TTC29: variants seen among roughly 807,000 people sequenced by gnomAD.
TTC29 encodes the protein tetratricopeptide repeat domain 29.
TTC29 carries 49 observed loss-of-function variants against 58.1 expected under a neutral mutation model. The ratio of observed to expected loss-of-function variants is 0.84; its 90% CI spans 0.67 to 1.07. The LOEUF (loss-of-function observed/expected upper bound fraction) is 1.07. Ranked by LOEUF, TTC29 falls within the 50% of genes least tolerant of loss-of-function variation. The pLI is 0.00. For missense variants in TTC29, 582 were observed against 555.6 expected (o/e 1.05, Z -0.48); for synonymous variants, 209 against 196.8 (o/e 1.06, Z -0.52).
chr4:146,926,443 A>T (rs907309349), intron 4 of TTC29, among the ~76,000 whole-genome samples: 1 of 151,990 alleles, frequency 6.6e-6, no homozygotes, highest in African/African-American at 2.4e-5. Context: ...TTATAATCTG[A>T]CAGCTGTGTA....
At chr4:146,899,419 C>A (rs1332641710) in intron 6 of TTC29, among the ~76,000 whole-genome samples, 3 of 152,186 alleles carry the variant, frequency 2.0e-5, no homozygotes, top group Non-Finnish European at 4.4e-5. Context: ...ATAATAAAAA[C>A]CTTACAAATA....
chr4:146,781,339 C>A (rs1430300631), intron 11 of TTC29, among the ~76,000 whole-genome samples: 1 of 151,778 alleles, frequency 6.6e-6, no homozygotes, highest in Admixed American at 6.6e-5. Flanking sequence ...AGTTAACTGT[C>A]ATATTAACCT....
chr4:146,851,315 G>C (rs1297114886), intron 8 of TTC29, among the ~76,000 whole-genome samples: 1 of 152,174 alleles, frequency 6.6e-6, no homozygotes, highest in African/African-American at 2.4e-5. Flanking sequence ...CTCACTCAAG[G>C]CTTCAGGATT....
chr4:146,721,534 C>T (rs1374521205), intron 11 of TTC29, among the ~76,000 whole-genome samples: 2 of 152,056 alleles, frequency 1.3e-5, no homozygotes, highest in African/African-American at 4.8e-5. Context: ...ATAGTGTTTT[C>T]TGAGTGAACA....
At chr4:146,872,649 G>T (rs60635357) in intron 7 of TTC29, among the ~76,000 whole-genome samples, 18,880 of 151,772 alleles carry the variant, frequency 0.12, 1,458 homozygotes, top group East Asian at 0.2. Context: ...TCAATGTTAC[G>T]GGCCAACAGG....
chr4:146,814,090 T>C (rs900895192), intron 10 of TTC29, among the ~76,000 whole-genome samples: 9 of 152,188 alleles, frequency 5.9e-5, no homozygotes, highest in Non-Finnish European at 1.2e-4. Flanking sequence ...TATTTATTGG[T>C]CCAAGGAACT....
At chr4:146,707,959 C>T (rs1742102898) in intron 11 of TTC29, among the ~76,000 whole-genome samples, 1 of 151,810 alleles carries the variant, frequency 6.6e-6, no homozygotes, top group South Asian at 2.1e-4. Flanking sequence ...GTCCTCATAC[C>T]CTGAGACTGC....
intron 11 of TTC29, among the ~76,000 whole-genome samples, chr4:146,785,329 A>T (rs935720999): frequency 6.6e-6 from 1 of 151,682 alleles, no homozygotes; most frequent in Non-Finnish European, 1.5e-5. Context: ...TTTTTAATAC[A>T]CTTATTGAGG....
chr4:146,937,564 T>C, intron 4 of TTC29, 30 bp downstream of exon 4: 3 of 1,331,802 alleles, frequency 2.3e-6, no homozygotes, highest in Non-Finnish European at 3.1e-6. Context: ...ACAAACTTTA[T>C]ATTAAAGTAC....
chr4:146,800,965 T>C (rs1330110697), intron 11 of TTC29, among the ~76,000 whole-genome samples: 1 of 152,132 alleles, frequency 6.6e-6, no homozygotes, highest in Non-Finnish European at 1.5e-5. Context: ...CACATTTAAA[T>C]AAGAGGGCAT....
chr4:146,808,997 C>A (rs2150125926), intron 10 of TTC29, among the ~76,000 whole-genome samples: 1 of 151,764 alleles, frequency 6.6e-6, no homozygotes, highest in East Asian at 1.9e-4. Context: ...TACTACAAGG[C>A]TACAGTAACC....
At chr4:146,738,714 C>T (rs571029981) in intron 11 of TTC29, among the ~76,000 whole-genome samples, 8 of 152,138 alleles carry the variant, frequency 5.3e-5, no homozygotes, top group Non-Finnish European at 1.0e-4. Context: ...TGCCCCGCAG[C>T]GAGACTCTAA....
intron 11 of TTC29, among the ~76,000 whole-genome samples, chr4:146,777,294 C>A (rs1748177800): frequency 6.6e-6 from 1 of 152,146 alleles, no homozygotes; most frequent in Non-Finnish European, 1.5e-5. Flanking sequence ...AAGAGAAAAT[C>A]AAAGCACAAA....
Position 146,867,576 on chromosome 4 carries a change from G to A in TTC29, c.807C>T (p.Asp269=), listed in dbSNP as rs35231662. ...KASEIAKEGS[D]KKMEAEASYY... is the part of the protein sequence containing the mutation. Reference sequence around the variant, plus strand: ...AAGAGGCTTCCGCTTCCATCTTTTTGTCACTTCCTGAAGTGAAGATGTAAA... The same window carrying A: ...AAGAGGCTTCCGCTTCCATCTTTTTATCACTTCCTGAAGTGAAGATGTAAA... The change falls in exon 8 of 13, where the codon GAC becomes GAT. Residue 269 remains aspartate (D), a synonymous_variant. Transcript: ENST00000325106. 76,314 of 1,509,792 alleles carry A rather than the reference G, an allele frequency of 0.051. 2,590 individuals are homozygous for A. Among genetic ancestry groups the A allele is most frequent in the Admixed American group, 0.16 (7,606 of 47,782 alleles). 93.5% of individuals were successfully genotyped at this position (1,509,792 alleles called of 1,614,324 possible).
At chr4:146,894,778 G>A (rs185128305) in intron 6 of TTC29, among the ~76,000 whole-genome samples, 1 of 152,248 alleles carries the variant, frequency 6.6e-6, no homozygotes, top group East Asian at 1.9e-4. Context: ...TCTGTATGCT[G>A]TGTTCAGTGT....
chr4:146,904,309 T>C (rs1007456915), intron 5 of TTC29, among the ~76,000 whole-genome samples: 7 of 152,222 alleles, frequency 4.6e-5, no homozygotes, highest in Admixed American at 3.3e-4. Context: ...TACAAATTTC[T>C]AGCAATGTTA....
intron 4 of TTC29, among the ~76,000 whole-genome samples, chr4:146,928,873 C>T (rs531710886): frequency 6.6e-6 from 1 of 152,232 alleles, no homozygotes; most frequent in East Asian, 1.9e-4. Context: ...CATTTCCCTG[C>T]ATAAAATGAG....
At chr4:146,811,045 C>T (rs182579159) in intron 10 of TTC29, among the ~76,000 whole-genome samples, 1 of 152,178 alleles carries the variant, frequency 6.6e-6, no homozygotes, top group Admixed American at 6.5e-5. Flanking sequence ...AAAATATGAT[C>T]GTGATGTCAC....
intron 10 of TTC29, among the ~76,000 whole-genome samples, chr4:146,804,764 C>G (rs1384152244): frequency 6.6e-6 from 1 of 152,056 alleles, no homozygotes; most frequent in African/African-American, 2.4e-5. Context: ...ACTCCCATCT[C>G]CCTGGGACAC....
Sources: gnomAD v4.1 joint callset for allele counts (sites outside exome capture counted in the v4.1 genomes callset) on GRCh38, gnomAD v4.1.1 for gene constraint, MANE v1.5 for transcripts, NCBI Gene and HGNC (gene_info 2026-07-23, HGNC 2026-07-21) for gene names.